Variants in CMIP observed in about 807,000 individuals in gnomAD.
CMIP encodes the protein C-Maf-inducing protein.
A neutral mutation model predicts 97.3 loss-of-function variants in CMIP; 13 were observed. The observed-to-expected ratio is 0.13, with a 90% CI of 0.09 to 0.21. The LOEUF is 0.21. CMIP is among the 10% of genes least tolerant of loss of function. The probability of loss-of-function intolerance (pLI) is 1.00; values close to 1 mark genes in which losing one functional copy is unlikely to be tolerated. For synonymous variants in CMIP, 538 were observed against 436.3 expected, an observed-to-expected ratio of 1.23 and a Z score of -2.91; for missense variants, 847 against 1,024.9, an observed-to-expected ratio of 0.83 and a Z score of 2.37.
At chr16:81,447,995 T>C (rs1355513834) in intron 1 of CMIP, among the ~76,000 whole-genome samples, 2 of 152,242 alleles carry the variant, frequency 1.3e-5, no homozygotes. Context: ...TGTCTGCGTT[T>C]TATAGTGCGG....
At chr16:81,531,703 C>G (rs2090239497) in intron 1 of CMIP, among the ~76,000 whole-genome samples, 2 of 152,226 alleles carry the variant, frequency 1.3e-5, no homozygotes, top group South Asian at 4.1e-4. Flanking sequence ...AGAATCATTC[C>G]TTTTCCTTCC....
chr16:81,570,912 C>G (rs749115935), intron 1 of CMIP, among the ~76,000 whole-genome samples: 1 of 151,870 alleles, frequency 6.6e-6, no homozygotes, highest in African/African-American at 2.4e-5. Context: ...GAGGAGCCTG[C>G]GGACACGTGA....
chr16:81,549,546 G>A (rs974264418), intron 1 of CMIP, among the ~76,000 whole-genome samples: 2 of 152,110 alleles, frequency 1.3e-5, no homozygotes, highest in African/African-American at 4.8e-5. Flanking sequence ...TGTGTTGGGG[G>A]CGGGGGGCGG....
At chr16:81,528,671 C>G (rs2090176870) in intron 1 of CMIP, among the ~76,000 whole-genome samples, 1 of 152,200 alleles carries the variant, frequency 6.6e-6, no homozygotes, top group African/African-American at 2.4e-5. Context: ...CCCTCTCTGA[C>G]TTAGCACAAA....
chr16:81,566,266 T>C (rs558243815), intron 1 of CMIP, among the ~76,000 whole-genome samples: 59 of 152,340 alleles, frequency 3.9e-4, no homozygotes, highest in African/African-American at 1.2e-3. Context: ...TTATTCATGC[T>C]TCTGTGTTTG....
chr16:81,604,163 G>C (rs1405773676), intron 1 of CMIP, among the ~76,000 whole-genome samples: 1 of 152,156 alleles, frequency 6.6e-6, no homozygotes, highest in Non-Finnish European at 1.5e-5. Context: ...GGAGGCCGAG[G>C]CAGGAGGATC....
chr16:81,693,014 A>C, intron 11 of CMIP, 144 bp from the exon 12 acceptor site: 1 of 666,310 alleles, frequency 1.5e-6, no homozygotes. Context: ...GAGTGGGGAC[A>C]AAATGTTGGC....
chr16:81,657,072 A>C (rs1198990023), intron 4 of CMIP, among the ~76,000 whole-genome samples: 1 of 152,206 alleles, frequency 6.6e-6, no homozygotes, highest in East Asian at 1.9e-4. Context: ...ATGGAAATCC[A>C]AAACACATGT....
Position 81,709,819 on chromosome 16 carries a change from G to A in CMIP, c.*20G>A. On this transcript the variant is annotated 3_prime_UTR_variant, in exon 21 of 21. Coordinates refer to ENST00000537098, the MANE Select transcript of CMIP (RefSeq NM_198390.3). ...TGGTGAAGCTCCCAGCTCAAGGCAGGAAGACGTTTGCAACCGCGACAAAAT... is the reference window on the plus strand; with the variant it reads ...TGGTGAAGCTCCCAGCTCAAGGCAGAAAGACGTTTGCAACCGCGACAAAAT... 4 of 1,613,490 alleles carry A rather than the reference G, an allele frequency of 2.5e-6. No homozygotes were observed. The highest frequency in any genetic ancestry group is 3.4e-6 in the Non-Finnish European group (4 of 1,179,676).
At chr16:81,631,933 AT>A (rs2092166592) in intron 3 of CMIP, 2 of 152,244 alleles carry the variant, frequency 1.3e-5, no homozygotes, top group African/African-American at 4.8e-5. Context: ...GACACAGAGC[AT>A]TTAAAAACTG....
At chr16:81,549,899 T>TGTGCA (rs2090619822) in intron 1 of CMIP, among the ~76,000 whole-genome samples, 1 of 152,250 alleles carries the variant, frequency 6.6e-6, no homozygotes, top group African/African-American at 2.4e-5. Flanking sequence ...TGAATGTGTG[T>TGTGCA]GTGCAGTGTG....
At chr16:81,612,616 C>T (rs2091850334) in intron 2 of CMIP, among the ~76,000 whole-genome samples, 2 of 152,192 alleles carry the variant, frequency 1.3e-5, no homozygotes, top group Admixed American at 6.5e-5. Context: ...TTTTTCTCAC[C>T]TCTCAAGACA....
At chr16:81,613,368 G>A (rs759799803) in intron 2 of CMIP, among the ~76,000 whole-genome samples, 21 of 152,190 alleles carry the variant, frequency 1.4e-4, no homozygotes, top group Non-Finnish European at 2.9e-4. Context: ...ATTGCAGGGA[G>A]GGAAGACTGT....
At chr16:81,708,118 G>A (rs1400660498) in intron 20 of CMIP, among the ~76,000 whole-genome samples, 1 of 152,252 alleles carries the variant, frequency 6.6e-6, no homozygotes, top group African/African-American at 2.4e-5. Context: ...GCAGGCACAG[G>A]CAAGCTCAGC....
chr16:81,497,625 C>T (rs2927311), intron 1 of CMIP, among the ~76,000 whole-genome samples: 1 of 152,180 alleles, frequency 6.6e-6, no homozygotes, highest in South Asian at 2.1e-4. Flanking sequence ...CAGACTGGCT[C>T]TCCGAGGGTG....
chr16:81,480,682 C>T (rs1908205762), intron 1 of CMIP, among the ~76,000 whole-genome samples: 1 of 152,218 alleles, frequency 6.6e-6, no homozygotes, highest in African/African-American at 2.4e-5. Flanking sequence ...TAATTAAAAA[C>T]TATCTAATTG....
chr16:81,664,843 A>T, intron 7 of CMIP: 1 of 208,460 alleles, frequency 4.8e-6, no homozygotes, highest in Non-Finnish European at 9.5e-6. Context: ...TTCCCTTCAT[A>T]GGACGTATAA....
intron 11 of CMIP, among the ~76,000 whole-genome samples, chr16:81,692,196 C>T (rs760451579): frequency 2.6e-5 from 4 of 152,172 alleles, no homozygotes; most frequent in Non-Finnish European, 4.4e-5. Flanking sequence ...TAATACCTGC[C>T]GCTCCTCTTC....
intron 3 of CMIP, among the ~76,000 whole-genome samples, chr16:81,642,925 G>A (rs185939633): frequency 6.7e-4 from 102 of 152,228 alleles, no homozygotes; most frequent in African/African-American, 2.0e-3. Context: ...AAATTGCAGC[G>A]TATCCATGCA....
Sources: gnomAD v4.1 joint callset for allele counts (sites outside exome capture counted in the v4.1 genomes callset) on GRCh38, gnomAD v4.1.1 for gene constraint, MANE v1.5 for transcripts, NCBI Gene and HGNC (gene_info 2026-07-23, HGNC 2026-07-21) for gene names.